PDE7B: variants seen among roughly 807,000 people sequenced by gnomAD.
The protein encoded by PDE7B is phosphodiesterase 7B.
Under a neutral mutation model 56.2 loss-of-function variants are expected in PDE7B, and 29 were observed. The ratio of observed to expected loss-of-function variants is 0.52; its 90% CI spans 0.38 to 0.70. The LOEUF (loss-of-function observed/expected upper bound fraction) is 0.70. Among genes scored for constraint, PDE7B ranks in the 30% least tolerant of loss-of-function variants. The pLI, the probability that PDE7B is intolerant of heterozygous loss-of-function variation, is 0.00. For missense variants in PDE7B, 490 were observed against 565.0 expected (o/e 0.87, Z 1.35); for synonymous variants, 197 against 196.9 (o/e 1.00, Z 0.00).
chr6:136,059,593 G>A (rs769398804), intron 2 of PDE7B, among the ~76,000 whole-genome samples: 1 of 152,156 alleles, frequency 6.6e-6, no homozygotes, highest in South Asian at 2.1e-4. Flanking sequence ...CTTTGCTGCA[G>A]TTGAGCGGGA....
intron 1 of PDE7B, among the ~76,000 whole-genome samples, chr6:135,904,944 C>T (rs1776069879): frequency 6.6e-6 from 1 of 152,194 alleles, no homozygotes; most frequent in African/African-American, 2.4e-5. Context: ...AAGTCACATT[C>T]AGGGGTGGTT....
At chr6:135,904,025 CTAAG>C (rs1583755593) in intron 1 of PDE7B, among the ~76,000 whole-genome samples, 1 of 152,106 alleles carries the variant, frequency 6.6e-6, no homozygotes, top group African/African-American at 2.4e-5. Context: ...ATATTACCAA[CTAAG>C]TAAGAGGCAG....
At chr6:136,147,647 C>T (rs1163525399) in intron 4 of PDE7B, 145 bp downstream of exon 4, 8 of 592,756 alleles carry the variant, frequency 1.3e-5, no homozygotes, top group Non-Finnish European at 2.4e-5. Context: ...GGACTTGTTC[C>T]TCTAATAGAA....
intron 2 of PDE7B, among the ~76,000 whole-genome samples, chr6:135,957,660 T>G (rs1774821229): frequency 6.6e-6 from 1 of 152,126 alleles, no homozygotes; most frequent in South Asian, 2.1e-4. Context: ...CTGATTTAAT[T>G]TTCTAGCACC....
At chr6:136,044,684 T>C (rs774494960) in intron 2 of PDE7B, 3 of 152,264 alleles carry the variant, frequency 2.0e-5, no homozygotes, top group Admixed American at 1.3e-4. Context: ...CATGCATTTA[T>C]AGACTTTTAA....
At chr6:136,028,567 T>G (rs1356009796) in intron 2 of PDE7B, among the ~76,000 whole-genome samples, 1 of 152,202 alleles carries the variant, frequency 6.6e-6, no homozygotes, top group Non-Finnish European at 1.5e-5. Context: ...CTCTAAGGGA[T>G]AATCTGTTTT....
At chr6:136,138,725 A>G (rs1426870048) in intron 3 of PDE7B, among the ~76,000 whole-genome samples, 2 of 152,098 alleles carry the variant, frequency 1.3e-5, no homozygotes, top group East Asian at 3.9e-4. Flanking sequence ...CTGCCTTGCT[A>G]TTTTAGAAAA....
At chr6:136,110,697 A>T (rs1777728786) in intron 3 of PDE7B, among the ~76,000 whole-genome samples, 1 of 150,274 alleles carries the variant, frequency 6.7e-6, no homozygotes, top group Non-Finnish European at 1.5e-5. Flanking sequence ...TATCTACATC[A>T]TAGGATTCTG....
intron 8 of PDE7B, among the ~76,000 whole-genome samples, chr6:136,160,618 G>A (rs1450251185): frequency 6.6e-6 from 1 of 152,128 alleles, no homozygotes; most frequent in Non-Finnish European, 1.5e-5. Flanking sequence ...AAGACAGAAA[G>A]AGTTTCCTGA....
At chr6:135,926,298 A>G (rs1039880471) in intron 1 of PDE7B, among the ~76,000 whole-genome samples, 6 of 152,154 alleles carry the variant, frequency 3.9e-5, no homozygotes, top group Non-Finnish European at 7.3e-5. Flanking sequence ...CGTGTTAGCC[A>G]GGATGGTCTC....
At chr6:135,928,047 G>A (rs1216833626) in intron 1 of PDE7B, among the ~76,000 whole-genome samples, 4 of 151,914 alleles carry the variant, frequency 2.6e-5, no homozygotes, top group South Asian at 2.1e-4. Flanking sequence ...CTCATCATCA[G>A]TAATCATTAG....
intron 1 of PDE7B, among the ~76,000 whole-genome samples, chr6:135,896,008 C>T (rs1253847644): frequency 6.6e-6 from 1 of 152,152 alleles, no homozygotes; most frequent in African/African-American, 2.4e-5. Flanking sequence ...GAATGCCTCA[C>T]AATTTTCTAT....
At chr6:136,037,977 A>T in intron 2 of PDE7B, 1 of 1,226,814 alleles carries the variant, frequency 8.2e-7, no homozygotes, top group Non-Finnish European at 1.0e-6. Flanking sequence ...GGGAAAAAAA[A>T]TGCATTCTAT....
chr6:135,917,783 G>A (rs1245552448), intron 1 of PDE7B, among the ~76,000 whole-genome samples: 1 of 152,120 alleles, frequency 6.6e-6, no homozygotes, highest in Non-Finnish European at 1.5e-5. Context: ...TGAATCAGTT[G>A]CTTCCTTTAA....
At chr6:136,004,587 T>G (rs1486462599) in intron 2 of PDE7B, among the ~76,000 whole-genome samples, 1 of 151,334 alleles carries the variant, frequency 6.6e-6, no homozygotes, top group African/African-American at 2.4e-5. Flanking sequence ...AAATCATGAG[T>G]GAACTCCCAT....
intron 2 of PDE7B, among the ~76,000 whole-genome samples, chr6:135,985,941 C>T (rs540787808): frequency 3.1e-4 from 47 of 152,164 alleles, no homozygotes; most frequent in African/African-American, 1.1e-3. Flanking sequence ...AGGCACCGGG[C>T]GATGCTCTCC....
At chr6:135,906,892 G>A (rs1022173900) in intron 1 of PDE7B, among the ~76,000 whole-genome samples, 5 of 131,228 alleles carry the variant, frequency 3.8e-5, no homozygotes, top group Admixed American at 3.7e-4. Flanking sequence ...ATGAGAAATC[G>A]TTTGAGTCTA....
intron 8 of PDE7B, among the ~76,000 whole-genome samples, chr6:136,159,092 G>A (rs1778661757): frequency 2.6e-5 from 4 of 152,162 alleles, no homozygotes; most frequent in Admixed American, 2.6e-4. Context: ...ATGTCTTGCA[G>A]AAGTTTATAA....
chr6:136,028,724 T>A (rs1366566038), intron 2 of PDE7B, among the ~76,000 whole-genome samples: 1 of 152,248 alleles, frequency 6.6e-6, no homozygotes, highest in African/African-American at 2.4e-5. Context: ...CTTCCACATG[T>A]AAGGACACTT....
Sources: allele counts gnomAD v4.1 joint callset (sites outside exome capture counted in the v4.1 genomes callset), GRCh38; gene constraint gnomAD v4.1.1; transcripts MANE v1.5; gene names NCBI Gene and HGNC (gene_info 2026-07-23, HGNC 2026-07-21).